Variants in ORC2 observed in about 807,000 individuals in gnomAD.
The protein encoded by ORC2 is origin recognition complex protein 2 homolog.
ORC2 carries 37 observed loss-of-function variants against 77.7 expected under a neutral mutation model. The ratio of observed to expected loss-of-function variants is 0.48; its 90% CI spans 0.37 to 0.63. The LOEUF is 0.63. Ranked by LOEUF, ORC2 falls within the 20% of genes least tolerant of loss-of-function variation. The pLI, the probability that ORC2 is intolerant of heterozygous loss-of-function variation, is 0.00. For synonymous variants in ORC2, 201 were observed against 229.5 expected, an observed-to-expected ratio of 0.88 and a Z score of 1.12; for missense variants, 557 against 661.9, an observed-to-expected ratio of 0.84 and a Z score of 1.74.
In ORC2 at chr2:200,917,969, C is replaced by T. The variant is rs559317918; in HGVS notation, c.1466+2253G>A. ...CCTCTATCTATTCCCCTTTATTCTTCTCCAGGGTTGGTACCTAATTTTTTT... is the reference window on the plus strand; with the variant it reads ...CCTCTATCTATTCCCCTTTATTCTTTTCCAGGGTTGGTACCTAATTTTTTT... On this transcript the variant is annotated intron_variant, in intron 15 of 17. Transcript: ENST00000234296. 8.5e-4 allele frequency among the ~76,000 whole-genome samples: 128 copies of T among 150,690 alleles called. 1 individual carries two copies. The highest frequency in any genetic ancestry group is 2.6e-3 in the African/African-American group (108 of 41,250).
intron 4 of ORC2, among the ~76,000 whole-genome samples, chr2:200,955,017 G>C (rs150548199): frequency 1.3e-4 from 20 of 152,240 alleles, no homozygotes; most frequent in South Asian, 1.0e-3. Flanking sequence ...AGCAGGGGTA[G>C]GGTTAGGGCC....
intron 4 of ORC2, among the ~76,000 whole-genome samples, chr2:200,950,114 G>A (rs1282907680): frequency 1.3e-5 from 2 of 152,098 alleles, no homozygotes; most frequent in Admixed American, 6.5e-5. Context: ...AGGTGATCAC[G>A]AGGTCAGGAG....
chr2:200,915,457 G>T (rs1433870390), intron 15 of ORC2, among the ~76,000 whole-genome samples: 1 of 151,924 alleles, frequency 6.6e-6, no homozygotes, highest in Non-Finnish European at 1.5e-5. Flanking sequence ...ACTCTTAATG[G>T]ATGACTGGAT....
intron 15 of ORC2, among the ~76,000 whole-genome samples, chr2:200,914,704 G>T (rs2040610330): frequency 6.6e-6 from 1 of 152,088 alleles, no homozygotes; most frequent in African/African-American, 2.4e-5. Context: ...ACTTGAGCCT[G>T]GGAGCTTGAG....
intron 8 of ORC2, among the ~76,000 whole-genome samples, chr2:200,937,683 T>G (rs1161906949): frequency 6.6e-6 from 1 of 152,180 alleles, no homozygotes; most frequent in Non-Finnish European, 1.5e-5. Flanking sequence ...TTCCAAACTG[T>G]CTCAAAACAA....
At chr2:200,945,329 G>A (rs552566901) in intron 5 of ORC2, among the ~76,000 whole-genome samples, 1 of 152,186 alleles carries the variant, frequency 6.6e-6, no homozygotes, top group African/African-American at 2.4e-5. Context: ...ACCGAGGTGG[G>A]TGGATCACTT....
intron 10 of ORC2, among the ~76,000 whole-genome samples, 173 bp from the exon 11 acceptor site, chr2:200,931,621 ATT>A (rs1462224268): frequency 6.6e-6 from 1 of 152,290 alleles, no homozygotes; most frequent in South Asian, 2.1e-4. Context: ...TTAAAAAATA[ATT>A]TTTTTGTTTT....
At chr2:200,922,870 G>A (rs1354657968) in intron 13 of ORC2, among the ~76,000 whole-genome samples, 1 of 152,120 alleles carries the variant, frequency 6.6e-6, no homozygotes, top group East Asian at 1.9e-4. Context: ...TTAAGTAGGA[G>A]AACTTATGTT....
rs2040534742 is a variant in ORC2 at position 200,910,579 on chromosome 2, CATG to C, written c.*719_*721del. ...CTCTAGCCTGGCTTCTCACTGGTATCATGAAGGTCATGGCACAGACAATAACTG... is the reference window on the plus strand; with the variant it reads ...CTCTAGCCTGGCTTCTCACTGGTATCAAGGTCATGGCACAGACAATAACTG... On this transcript the variant is annotated 3_prime_UTR_variant, in exon 18 of 18. Coordinates refer to ENST00000234296, the MANE Select transcript of ORC2 (RefSeq NM_006190.5). 6.6e-6 allele frequency: 1 copy of C among 152,182 alleles called. No individual in the cohort carries two copies. The highest frequency in any genetic ancestry group is 1.5e-5 in the Non-Finnish European group (1 of 68,030). The allele number at this position is 152,182 out of a possible 1,614,324, so 9.4% of individuals were successfully genotyped here.
At position 200,958,217 on chromosome 2, in the gene ORC2, T is replaced by G. The variant is rs2041508370; in HGVS notation, c.-10-84A>C. The G allele has an allele frequency of 1.6e-5, 12 of 737,658 alleles. No individual in the cohort carries two copies. The Admixed American group carries it at 2.5e-4, about 15-fold the overall frequency. The allele number at this position is 737,658 out of a possible 1,614,324, so 45.7% of individuals were successfully genotyped here. The stretch of plus-strand genomic sequence containing the variant: ...TAAACATTCACATAATGAATACATG[T>G]CTTTATCTAATATTTTTAAAGTCTT... On this transcript the variant is annotated intron_variant, in intron 2 of 17. Transcript: ENST00000234296.
At chr2:200,943,701 C>T (rs1485610510) in intron 5 of ORC2, among the ~76,000 whole-genome samples, 1 of 152,140 alleles carries the variant, frequency 6.6e-6, no homozygotes, top group African/African-American at 2.4e-5. Flanking sequence ...TTTTATCCTC[C>T]AGTCTTGAAA....
At chr2:200,918,433 A>G (rs892469412) in intron 15 of ORC2, among the ~76,000 whole-genome samples, 2 of 139,994 alleles carry the variant, frequency 1.4e-5, no homozygotes, top group African/African-American at 6.7e-5. Flanking sequence ...CTTTAAAAAC[A>G]AAAAAGAAAT....
rs200066674 is a variant in ORC2, at chr2:200,913,994, TA to T, written c.1467-3del. 0.072 allele frequency: 90,633 copies of T among 1,257,266 alleles called. 255 individuals carry two copies. The highest frequency in any genetic ancestry group is 0.14 in the African/African-American group (8,109 of 58,160). The allele number at this position is 1,257,266 out of a possible 1,614,324, so 77.9% of individuals were successfully genotyped here. A position where few individuals can be genotyped will look rare whatever the true frequency, so the allele number is the denominator to read the frequency against. ...TTTATTAGTAGCCTGAAAATTCCCCTAAAAAAAAAAAAAAACAGGAATTTAA... is the reference window on the plus strand; with the variant it reads ...TTTATTAGTAGCCTGAAAATTCCCCTAAAAAAAAAAAAAACAGGAATTTAA... On this transcript the variant is annotated splice_polypyrimidine_tract_variant and splice_region_variant and intron_variant, in intron 15 of 17. Coordinates refer to ENST00000234296, the MANE Select transcript of ORC2 (RefSeq NM_006190.5).
chr2:200,954,654 G>GA (rs2041431344), intron 4 of ORC2, among the ~76,000 whole-genome samples: 1 of 152,062 alleles, frequency 6.6e-6, no homozygotes, highest in Non-Finnish European at 1.5e-5. Flanking sequence ...GCACAGGAGG[G>GA]AGTGTGGAAA....
intron 9 of ORC2, among the ~76,000 whole-genome samples, chr2:200,934,180 A>G (rs531016511): frequency 2.6e-5 from 4 of 152,264 alleles, no homozygotes; most frequent in Non-Finnish European, 5.9e-5. Context: ...TATAAGTTAA[A>G]GAAATGACTA....
rs367966432 is a variant in ORC2, at chr2:200,933,965, C to T, written c.718G>A (p.Val240Ile). 5.0e-6 allele frequency: 8 copies of T among 1,593,218 alleles called. No individual in the cohort carries two copies. The highest frequency in any genetic ancestry group is 6.9e-6 in the Non-Finnish European group (8 of 1,163,552). ...RMKRDKTSDL[V>I]EEYFEAHSSS... ...CTGTGAGCTTCAAAATATTCTTCTA[C>T]TAAGTCACTCTGAAAGTGAACAGAG... The change falls in exon 10 of 18, where the codon GTA becomes ATA. Residue 240 changes from valine to isoleucine, a missense_variant. Transcript: ENST00000234296.
At chr2:200,949,850 C>T (rs531264944) in intron 4 of ORC2, among the ~76,000 whole-genome samples, 87 of 152,190 alleles carry the variant, frequency 5.7e-4, no homozygotes, top group African/African-American at 2.0e-3. Context: ...TTCAAAGATA[C>T]ACAGACATCT....
chr2:200,953,381 C>G (rs545056522), intron 4 of ORC2, among the ~76,000 whole-genome samples: 28 of 150,592 alleles, frequency 1.9e-4, no homozygotes, highest in Admixed American at 1.9e-3. Context: ...AAAATAAAAC[C>G]ACCGCCTCAT....
chr2:200,933,102 T>G (rs1318583715), intron 10 of ORC2, among the ~76,000 whole-genome samples: 2 of 152,146 alleles, frequency 1.3e-5, no homozygotes, highest in Non-Finnish European at 2.9e-5. Context: ...GATCCGAGTC[T>G]CAATACCAAT....
Sources: allele counts gnomAD v4.1 joint callset (sites outside exome capture counted in the v4.1 genomes callset), GRCh38; gene constraint gnomAD v4.1.1; transcripts MANE v1.5; gene names NCBI Gene and HGNC (gene_info 2026-07-23, HGNC 2026-07-21).